The following ZNF804B variants were observed in gnomAD, a reference collection of about 807,000 sequenced individuals.
The protein encoded by ZNF804B is zinc finger 804B.
A neutral mutation model predicts 101.4 loss-of-function variants in ZNF804B; 80 were observed. That is an observed-to-expected ratio of 0.79 (90% CI 0.66 to 0.95). The LOEUF (loss-of-function observed/expected upper bound fraction) is 0.95, where lower values mean the gene tolerates loss of function less well. ZNF804B is among the 40% of genes least tolerant of loss of function. The pLI is 0.00. For synonymous variants in ZNF804B, 622 were observed against 558.8 expected, an observed-to-expected ratio of 1.11 and a Z score of -1.59; for missense variants, 1,673 against 1,561.9, an observed-to-expected ratio of 1.07 and a Z score of -1.20.
intron 1 of ZNF804B, among the ~76,000 whole-genome samples, chr7:88,991,575 A>G (rs1299888300): frequency 6.6e-6 from 1 of 152,142 alleles, no homozygotes; most frequent in Non-Finnish European, 1.5e-5. Context: ...AAAATCCAGG[A>G]ATCTAACCTA....
At chr7:88,962,502 A>G (rs1562844855) in intron 1 of ZNF804B, among the ~76,000 whole-genome samples, 1 of 150,942 alleles carries the variant, frequency 6.6e-6, no homozygotes, top group Non-Finnish European at 1.5e-5. Context: ...AGAGTTCCTA[A>G]CGAGGTGGCT....
intron 1 of ZNF804B, among the ~76,000 whole-genome samples, chr7:88,875,603 A>G (rs1791920214): frequency 6.6e-6 from 1 of 152,024 alleles, no homozygotes; most frequent in Non-Finnish European, 1.5e-5. Flanking sequence ...TCCCAAGACT[A>G]AACCAGGAAG....
chr7:89,286,865 C>CT (rs1562937516), intron 2 of ZNF804B, among the ~76,000 whole-genome samples: 1 of 151,988 alleles, frequency 6.6e-6, no homozygotes, highest in Non-Finnish European at 1.5e-5. Context: ...AAAATATAGA[C>CT]AGAAATACAA....
At chr7:88,819,053 C>T (rs776195643) in intron 1 of ZNF804B, among the ~76,000 whole-genome samples, 4 of 152,244 alleles carry the variant, frequency 2.6e-5, no homozygotes, top group South Asian at 2.1e-4. Flanking sequence ...GAGATAGTAG[C>T]GTGATTGACT....
intron 1 of ZNF804B, among the ~76,000 whole-genome samples, chr7:88,825,695 G>A (rs1791042362): frequency 6.6e-6 from 1 of 152,046 alleles, no homozygotes; most frequent in Admixed American, 6.6e-5. Context: ...GATTGAGTCT[G>A]GATGACTCCT....
chr7:88,795,752 C>T (rs1279938796), intron 1 of ZNF804B: 1 of 152,128 alleles, frequency 6.6e-6, no homozygotes, highest in African/African-American at 2.4e-5. Flanking sequence ...GTCCTGTGTT[C>T]TGCCTTCCCT....
intron 1 of ZNF804B, among the ~76,000 whole-genome samples, chr7:89,046,892 AATT>A (rs2116257828): frequency 6.6e-6 from 1 of 152,138 alleles, no homozygotes; most frequent in South Asian, 2.1e-4. Context: ...TATTATGATC[AATT>A]ATTATTTATT....
chr7:88,772,801 T>G (rs1357940067), intron 1 of ZNF804B, among the ~76,000 whole-genome samples: 2 of 152,172 alleles, frequency 1.3e-5, no homozygotes, highest in Admixed American at 1.3e-4. Flanking sequence ...CAGGTGGTGG[T>G]TGCTTTATTT....
intron 1 of ZNF804B, among the ~76,000 whole-genome samples, chr7:88,793,401 C>T (rs779534275): frequency 7.2e-5 from 11 of 152,196 alleles, no homozygotes; most frequent in East Asian, 1.9e-4. Flanking sequence ...CCATATTCCT[C>T]AGTGCCTGGC....
chr7:89,047,525 C>A (rs1299851456), intron 1 of ZNF804B, among the ~76,000 whole-genome samples: 1 of 152,090 alleles, frequency 6.6e-6, no homozygotes, highest in Non-Finnish European at 1.5e-5. Flanking sequence ...AGCATAGCCT[C>A]CAGCCAGAAG....
chr7:88,915,901 G>T (rs544148064), intron 1 of ZNF804B, among the ~76,000 whole-genome samples: 4 of 151,928 alleles, frequency 2.6e-5, no homozygotes, highest in East Asian at 3.9e-4. Context: ...TGTTGTGAAA[G>T]AATTTGTTCC....
intron 1 of ZNF804B, among the ~76,000 whole-genome samples, chr7:88,975,603 C>T (rs1793605847): frequency 6.6e-6 from 1 of 151,386 alleles, no homozygotes; most frequent in South Asian, 2.1e-4. Context: ...AGATCATTGC[C>T]CATTCTTAAT....
intron 1 of ZNF804B, among the ~76,000 whole-genome samples, chr7:89,066,341 C>T (rs1279169325): frequency 6.6e-6 from 1 of 152,062 alleles, no homozygotes; most frequent in Non-Finnish European, 1.5e-5. Flanking sequence ...ACAATGAAGC[C>T]TTGATCCTGG....
intron 1 of ZNF804B, among the ~76,000 whole-genome samples, chr7:89,116,203 C>T (rs4590368): frequency 0.69 from 105,487 of 151,826 alleles, 37,182 homozygotes; most frequent in African/African-American, 0.81. Context: ...CATGAGCCAC[C>T]GTGCCAAGCC....
chr7:89,081,168 C>G (rs1789692452), intron 1 of ZNF804B, among the ~76,000 whole-genome samples: 1 of 151,786 alleles, frequency 6.6e-6, no homozygotes, highest in Non-Finnish European at 1.5e-5. Flanking sequence ...AAAAGTCAGC[C>G]TTCTTCAGGG....
chr7:89,278,666 T>C (rs1209232220), intron 2 of ZNF804B, among the ~76,000 whole-genome samples: 1 of 150,852 alleles, frequency 6.6e-6, no homozygotes, highest in Admixed American at 6.6e-5. Context: ...GTTGTAGATA[T>C]GTGGCGTTAT....
intron 1 of ZNF804B, among the ~76,000 whole-genome samples, chr7:88,992,663 T>C (rs530013405): frequency 6.6e-6 from 1 of 152,280 alleles, no homozygotes; most frequent in African/African-American, 2.4e-5. Flanking sequence ...CAAAGTCAAC[T>C]GATTAGTAAC....
intron 1 of ZNF804B, among the ~76,000 whole-genome samples, chr7:88,810,784 C>G (rs1413708657): frequency 1.3e-5 from 2 of 152,038 alleles, no homozygotes; most frequent in East Asian, 1.9e-4. Flanking sequence ...ACCTTCCAAT[C>G]TTCAGCATTT....
chr7:88,792,295 A>C (rs1447854001), intron 1 of ZNF804B, among the ~76,000 whole-genome samples: 2 of 152,130 alleles, frequency 1.3e-5, no homozygotes, highest in Non-Finnish European at 2.9e-5. Context: ...GATATATTGC[A>C]GTAACCATTT....
Sources: gnomAD v4.1 joint callset for allele counts (sites outside exome capture counted in the v4.1 genomes callset) on GRCh38, gnomAD v4.1.1 for gene constraint, MANE v1.5 for transcripts, NCBI Gene and HGNC (gene_info 2026-07-23, HGNC 2026-07-21) for gene names.